The following SSC5D variants were observed in gnomAD, a reference collection of about 807,000 sequenced individuals.
SSC5D encodes soluble scavenger receptor cysteine-rich domain-containing protein SSC5D.
SSC5D carries 106 observed loss-of-function variants against 104.6 expected under a neutral mutation model. The ratio of observed to expected loss-of-function variants is 1.01; its 90% CI spans 0.87 to 1.19. The LOEUF is 1.19. Ranked by LOEUF, SSC5D falls within the 50% of genes most tolerant of loss-of-function variation. The pLI, the probability that SSC5D is intolerant of heterozygous loss-of-function variation, is 0.00. For synonymous variants in SSC5D, 860 were observed against 883.5 expected (o/e 0.97, Z 0.47); for missense variants, 1,993 against 2,153.8 (o/e 0.93, Z 1.48).
chr19:55,491,729 G>C (rs1262607653), intron 6 of SSC5D: 1 of 152,454 alleles, frequency 6.6e-6, no homozygotes, highest in Non-Finnish European at 1.5e-5. Context: ...ACAGCGGTTG[G>C]GGGGTGTTAG....
At chr19:55,493,468 T>C (rs1320831614) in intron 6 of SSC5D, 127 bp from the exon 7 acceptor site, 4 of 837,316 alleles carry the variant, frequency 4.8e-6, no homozygotes, top group Non-Finnish European at 6.8e-6. Context: ...TTTTCCTCAT[T>C]TGGATAGTGA....
chr19:55,501,999 C>G lies in SSC5D; in HGVS notation c.2785+798C>G, dbSNP rs904753671. ...CTCACTGCAGCCTTGACTGCCCGGG[C>G]CCAAGCGATCCTCCTGCCTCAGCTT... On this transcript the variant is annotated intron_variant, in intron 12 of 13. Coordinates refer to ENST00000389623, the MANE Select transcript of SSC5D (RefSeq NM_001144950.2). Among the ~76,000 whole-genome samples, 50 of 152,182 alleles carry G rather than the reference C, an allele frequency of 3.3e-4. 1 individual carries two copies. The highest frequency in any genetic ancestry group is 2.9e-3 in the Admixed American group (44 of 15,284).
intron 5 of SSC5D, 49 bp downstream of exon 5, chr19:55,490,457 C>A: frequency 3.0e-6 from 2 of 668,622 alleles, no homozygotes; most frequent in South Asian, 1.9e-5. Context: ...TGCTGTGAGG[C>A]CCAGGGCCCA....
Position 55,499,233 on chromosome 19 carries a change from A to G in SSC5D, c.1706-583A>G, listed in dbSNP as rs552973313. On this transcript the variant is annotated intron_variant, in intron 9 of 13. Coordinates refer to ENST00000389623, the MANE Select transcript of SSC5D (RefSeq NM_001144950.2). The stretch of plus-strand genomic sequence containing the variant: ...TCCCAGGAGCCGGGGAAAAGGCGAA[A>G]CCTTTCTTTGGGCAGGGTTAATCCT... Among the ~76,000 whole-genome samples, 25 of 152,260 alleles carry G rather than the reference A, an allele frequency of 1.6e-4. No individual in the cohort carries two copies. In the South Asian group the frequency reaches 5.2e-3, roughly 32 times the overall value.
In SSC5D at chr19:55,500,131, GA is replaced by G. The variant is rs1429994506; in HGVS notation, c.2023del (p.Arg675AspfsTer26). ...TTAALTTEAS[R>X]RPTSEFTRRP... ...GCAGCACTGACCACTGAGGCCTCCC[GA>G]AGACCTACCTCTGAGTTTACCAGAA... On this transcript the variant is annotated frameshift_variant, in exon 10 of 14. Transcript: ENST00000389623. LOFTEE classifies it high-confidence loss of function. The surrounding 1 kb of genome is among the most constrained non-coding windows in gnomAD (Gnocchi z 4.6). 2 of 1,551,060 alleles carry G rather than the reference GA, an allele frequency of 1.3e-6. No individual in the cohort carries two copies. The highest frequency in any genetic ancestry group is 1.7e-6 in the Non-Finnish European group (2 of 1,146,844).
intron 6 of SSC5D, chr19:55,491,953 G>A (rs12463160): frequency 0.23 from 35,456 of 152,280 alleles, 4,341 homozygotes; most frequent in East Asian, 0.46. Context: ...CAGTACACGG[G>A]CTGCAGGCAA....
chr19:55,507,236 C>T (rs562954313), intron 12 of SSC5D, among the ~76,000 whole-genome samples: 1 of 146,520 alleles, frequency 6.8e-6, no homozygotes, highest in South Asian at 2.2e-4. Context: ...TCCAGCTACC[C>T]GGGAGGTTGA....
chr19:55,498,243 A>G (rs938118036), intron 9 of SSC5D, 46 bp downstream of exon 9: 1 of 1,539,740 alleles, frequency 6.5e-7, no homozygotes, highest in Non-Finnish European at 8.8e-7. Context: ...GGCTTCCTGG[A>G]GGGGAACAGT....
Position 55,490,319 on chromosome 19 carries a change from C to T in SSC5D, c.497C>T (p.Pro166Leu). Residue 166 changes from proline to leucine, a missense_variant, in exon 5 of 14, where the codon CCC becomes CTC. By Grantham distance (98) the Pro-to-Leu change is moderately conservative. This residue lies in a region of SSC5D where 1,101 missense variants were observed against 1,085.0 expected (regional missense o/e 1.01). Transcript: ENST00000389623. Reference protein sequence around the residue: ...VTHAPRPAGNPQNASRKKSPR... With the variant: ...VTHAPRPAGNLQNASRKKSPR... ...CCAGCCCCCCGCCCAGCTGGGAACCCCCAGAACGCCTCCCGGAAGAAGAGC... is the reference window on the plus strand; with the variant it reads ...CCAGCCCCCCGCCCAGCTGGGAACCTCCAGAACGCCTCCCGGAAGAAGAGC... The T allele has an allele frequency of 7.0e-7, 1 of 1,428,000 alleles. No individual in the cohort carries two copies. Among genetic ancestry groups the T allele is most frequent in the Non-Finnish European group, 9.6e-7 (1 of 1,038,632 alleles). 88.5% of individuals were successfully genotyped at this position (1,428,000 alleles called of 1,614,324 possible).
chr19:55,504,230 C>T (rs1335355281), intron 12 of SSC5D: 9 of 1,529,564 alleles, frequency 5.9e-6, no homozygotes, highest in Non-Finnish European at 7.9e-6. Context: ...GTGCCGGGCA[C>T]AGCGGCTGCG....
In SSC5D at chr19:55,498,347, A is replaced by G. The variant is rs1599919500; in HGVS notation, c.1705+150A>G. ...CATATAACCACATTGAAATCACATAATAAGTCTAGGGTGGTGTGTGTTATG... is the reference window on the plus strand; with the variant it reads ...CATATAACCACATTGAAATCACATAGTAAGTCTAGGGTGGTGTGTGTTATG... On this transcript the variant is annotated intron_variant, in intron 9 of 13. Coordinates refer to ENST00000389623, the MANE Select transcript of SSC5D (RefSeq NM_001144950.2). 5 of 818,174 alleles carry G rather than the reference A, an allele frequency of 6.1e-6. No individual in the cohort carries two copies. In the East Asian group the frequency reaches 8.1e-5, roughly 13 times the overall value. The allele number at this position is 818,174 out of a possible 1,614,324, so 50.7% of individuals were successfully genotyped here. A position where few individuals can be genotyped will look rare whatever the true frequency, so the allele number is the denominator to read the frequency against.
At chr19:55,517,170 G>T in intron 13 of SSC5D, 54 bp from the exon 14 acceptor site, 2 of 1,458,902 alleles carry the variant, frequency 1.4e-6, no homozygotes, top group South Asian at 1.3e-5. Flanking sequence ...GGGACGCGTG[G>T]TGGGCGGAGC....
intron 12 of SSC5D, among the ~76,000 whole-genome samples, chr19:55,507,323 G>C (rs1403925175): frequency 7.4e-6 from 1 of 135,380 alleles, no homozygotes; most frequent in Admixed American, 8.0e-5. Flanking sequence ...CAGCCTGGAT[G>C]AGTGAGACCC....
rs1033805898 is a variant in SSC5D at position 55,503,876 on chromosome 19, G to A, written c.2785+2675G>A. Reference sequence around the variant, plus strand: ...AGGCGCGGTGGGCCCGGGAATGGAGGGACGGGATGGGGCAGGCGTTCATCT... The same window carrying A: ...AGGCGCGGTGGGCCCGGGAATGGAGAGACGGGATGGGGCAGGCGTTCATCT... On this transcript the variant is annotated intron_variant, in intron 12 of 13. Transcript: ENST00000389623. The surrounding 1 kb of genome is among the most constrained non-coding windows in gnomAD (Gnocchi z 4.0). Among the ~76,000 whole-genome samples the A allele has an allele frequency of 1.3e-5, 2 of 152,176 alleles. No homozygotes were observed.
At position 55,490,100 on chromosome 19, in the gene SSC5D, G is replaced by GCC. The variant is rs71181774; in HGVS notation, c.475+109_475+110dup. 1.0e-3 allele frequency: 481 copies of GCC among 465,034 alleles called. 1 individual carries two copies. The highest frequency in any genetic ancestry group is 1.2e-3 in the Middle Eastern group (2 of 1,702). 28.8% of individuals were successfully genotyped at this position (465,034 alleles called of 1,614,324 possible). A position where few individuals can be genotyped will look rare whatever the true frequency, so the allele number is the denominator to read the frequency against. ...CAACCCCCACCCAGCGTGCCCTCCT[G>GCC]CCCCCACCGAGGGGAGAGGGACCTC... On this transcript the variant is annotated intron_variant, in intron 4 of 13. Transcript: ENST00000389623.
intron 12 of SSC5D, among the ~76,000 whole-genome samples, chr19:55,510,695 C>G (rs1219928073): frequency 1.3e-5 from 2 of 151,046 alleles, no homozygotes; most frequent in African/African-American, 4.9e-5. Flanking sequence ...TTTCCCTGGA[C>G]TATTTTTTCT....
In SSC5D at chr19:55,494,701, G is replaced by A. The variant is rs1987261672; in HGVS notation, c.1305G>A (p.Met435Ile). ...REAASRPPST[M>I]TSQAPGTAGV... Reference sequence around the variant, plus strand: ...CTGCCTCCAGGCCCCCGTCCACCATGACGAGCCAGGCTCCAGGGACGGCAG... The same window carrying A: ...CTGCCTCCAGGCCCCCGTCCACCATAACGAGCCAGGCTCCAGGGACGGCAG... Residue 435 changes from methionine (M) to isoleucine (I), a missense_variant, in exon 8 of 14, where the codon ATG (methionine) becomes ATA (isoleucine). Met to Ile is a conservative substitution (Grantham distance 10). This residue lies in a region of SSC5D where 1,101 missense variants were observed against 1,085.0 expected (regional missense o/e 1.01). Transcript: ENST00000389623. 1 of 1,550,568 alleles carries A rather than the reference G, an allele frequency of 6.4e-7. No homozygotes were observed. The highest frequency in any genetic ancestry group is 8.7e-7 in the Non-Finnish European group (1 of 1,146,664).
At chr19:55,510,803 G>A (rs1568483574) in intron 12 of SSC5D, among the ~76,000 whole-genome samples, 1 of 152,006 alleles carries the variant, frequency 6.6e-6, no homozygotes, top group Non-Finnish European at 1.5e-5. Flanking sequence ...TTTTGAGAAG[G>A]AGTCTCACTC....
chr19:55,511,835 C>T (rs1020071313), intron 12 of SSC5D, among the ~76,000 whole-genome samples: 1 of 152,048 alleles, frequency 6.6e-6, no homozygotes, highest in Non-Finnish European at 1.5e-5. Flanking sequence ...TTTTAAGAGG[C>T]CTCCAGGATC....
Sources: allele counts gnomAD v4.1 joint callset (sites outside exome capture counted in the v4.1 genomes callset), GRCh38; gene constraint gnomAD v4.1.1; regional missense constraint gnomAD v4.1.1; non-coding constraint Gnocchi (gnomAD v3.1); transcripts MANE v1.5; gene names NCBI Gene and HGNC (gene_info 2026-07-23, HGNC 2026-07-21).